The following SEMA3A variants were observed in gnomAD, a reference collection of about 807,000 sequenced individuals.
SEMA3A encodes semaphorin 3A.
SEMA3A carries 29 observed loss-of-function variants against 97.9 expected under a neutral mutation model. The ratio of observed to expected loss-of-function variants is 0.30; its 90% CI spans 0.22 to 0.40. The LOEUF (loss-of-function observed/expected upper bound fraction) is 0.40, where lower values mean the gene tolerates loss of function less well. SEMA3A is among the 10% of genes least tolerant of loss of function. The probability of loss-of-function intolerance (pLI) is 1.00; values close to 1 mark genes in which losing one functional copy is unlikely to be tolerated. For synonymous variants in SEMA3A, 321 were observed against 323.7 expected (o/e 0.99, Z 0.09); for missense variants, 763 against 951.3 (o/e 0.80, Z 2.60).
chr7:83,980,090 A>G (rs1456630801), intron 14 of SEMA3A, among the ~76,000 whole-genome samples: 1 of 152,144 alleles, frequency 6.6e-6, no homozygotes, highest in Non-Finnish European at 1.5e-5. Context: ...CTTTGGGCTC[A>G]TATTAACGAG....
chr7:84,335,854 G>C (rs1300040309), intron 2 of SEMA3A, among the ~76,000 whole-genome samples: 1 of 151,980 alleles, frequency 6.6e-6, no homozygotes, highest in Admixed American at 6.6e-5. Context: ...TTTAAGAGTA[G>C]ATTTTATTTT....
At chr7:84,314,385 C>T (rs1801443104) in intron 2 of SEMA3A, among the ~76,000 whole-genome samples, 1 of 152,128 alleles carries the variant, frequency 6.6e-6, no homozygotes, top group African/African-American at 2.4e-5. Context: ...TATACTTAGT[C>T]ATATGACATG....
intron 6 of SEMA3A, among the ~76,000 whole-genome samples, chr7:84,022,233 G>A (rs1418850872): frequency 6.6e-6 from 1 of 152,026 alleles, no homozygotes; most frequent in Admixed American, 6.6e-5. Context: ...CTACGGAAAA[G>A]GTTTACCAAT....
intron 3 of SEMA3A, among the ~76,000 whole-genome samples, chr7:84,287,786 T>C (rs1800628101): frequency 1.3e-5 from 2 of 152,154 alleles, no homozygotes; most frequent in South Asian, 2.1e-4. Context: ...TGATTTACCA[T>C]AGTATCTGAA....
chr7:84,094,689 A>G (rs1359206583), intron 4 of SEMA3A, among the ~76,000 whole-genome samples: 4 of 152,124 alleles, frequency 2.6e-5, no homozygotes, highest in Non-Finnish European at 5.9e-5. Flanking sequence ...AATAAAAAAA[A>G]CCCACCACCG....
chr7:84,364,370 A>C (rs1802796382), intron 2 of SEMA3A, among the ~76,000 whole-genome samples: 1 of 151,782 alleles, frequency 6.6e-6, no homozygotes, highest in Non-Finnish European at 1.5e-5. Flanking sequence ...GATTTTTTCA[A>C]ATAAAACTTT....
intron 1 of SEMA3A, among the ~76,000 whole-genome samples, chr7:84,492,004 C>G (rs552221825): frequency 6.6e-6 from 1 of 151,996 alleles, no homozygotes; most frequent in Non-Finnish European, 1.5e-5. Flanking sequence ...AAAAATTATA[C>G]GCAAATTCCT....
At chr7:84,160,250 TATCTATC>T (rs1796987542) in intron 1 of SEMA3A, among the ~76,000 whole-genome samples, 1 of 151,696 alleles carries the variant, frequency 6.6e-6, no homozygotes, top group African/African-American at 2.4e-5. Context: ...TCTATCTATC[TATCTATC>T]TATCTATCTA....
At chr7:84,488,235 T>A (rs1211585595) in intron 1 of SEMA3A, among the ~76,000 whole-genome samples, 1 of 152,018 alleles carries the variant, frequency 6.6e-6, no homozygotes, top group African/African-American at 2.4e-5. Context: ...TAGAGAGACA[T>A]ACCACATATG....
At chr7:84,334,757 C>CCCT (rs1042771484) in intron 2 of SEMA3A, among the ~76,000 whole-genome samples, 5 of 150,638 alleles carry the variant, frequency 3.3e-5, no homozygotes, top group Non-Finnish European at 5.9e-5. Context: ...CACTTTTCAT[C>CCCT]CCTCCATCTT....
rs1436675066 is a variant in SEMA3A, at chr7:83,959,792, G to A, written c.*1579C>T. On this transcript the variant is annotated 3_prime_UTR_variant, in exon 17 of 17. Coordinates refer to ENST00000265362, the MANE Select transcript of SEMA3A (RefSeq NM_006080.3). Reference sequence around the variant, plus strand: ...CCTGGGGGAGGAGTCCTGAATAGGTGAGTGCAGTGCAAAAGAAACCACAGT... The same window carrying A: ...CCTGGGGGAGGAGTCCTGAATAGGTAAGTGCAGTGCAAAAGAAACCACAGT... 6.6e-6 allele frequency: 1 copy of A among 152,100 alleles called. No homozygotes were observed. Among genetic ancestry groups the A allele is most frequent in the African/African-American group, 2.4e-5 (1 of 41,462 alleles). 9.4% of individuals were successfully genotyped at this position (152,100 alleles called of 1,614,324 possible). A position where few individuals can be genotyped will look rare whatever the true frequency, so the allele number is the denominator to read the frequency against.
intron 3 of SEMA3A, among the ~76,000 whole-genome samples, chr7:84,290,453 ATTTAT>A (rs1800712969): frequency 6.8e-6 from 1 of 146,628 alleles, no homozygotes; most frequent in African/African-American, 2.5e-5. Context: ...TTTTTTTCCT[ATTTAT>A]CTTAACTGTG....
At chr7:84,157,301 A>G (rs1228410029) in intron 1 of SEMA3A, among the ~76,000 whole-genome samples, 1 of 152,166 alleles carries the variant, frequency 6.6e-6, no homozygotes, top group Non-Finnish European at 1.5e-5. Context: ...CCATTTTTCC[A>G]TGCTGTAAAA....
chr7:84,172,602 TTTTTC>T (rs1300901949), intron 1 of SEMA3A, among the ~76,000 whole-genome samples: 1 of 151,976 alleles, frequency 6.6e-6, no homozygotes, highest in Non-Finnish European at 1.5e-5. Context: ...TTTGTATTTT[TTTTTC>T]AGTAGAGACG....
At chr7:84,046,189 C>T in intron 6 of SEMA3A, 135 bp downstream of exon 6, 3 of 914,184 alleles carry the variant, frequency 3.3e-6, no homozygotes, top group Non-Finnish European at 1.6e-6. Context: ...TCACACCCAC[C>T]ATCATGAAGT....
intron 4 of SEMA3A, among the ~76,000 whole-genome samples, chr7:84,077,546 G>A (rs1793997552): frequency 6.6e-6 from 1 of 151,914 alleles, no homozygotes; most frequent in Admixed American, 6.6e-5. Context: ...GAAGTGACGA[G>A]GCCAAAAGGA....
chr7:84,431,442 G>A (rs1165697520), intron 1 of SEMA3A, among the ~76,000 whole-genome samples: 2 of 151,838 alleles, frequency 1.3e-5, no homozygotes, highest in Non-Finnish European at 1.5e-5. Context: ...AGGAAGCTAT[G>A]CTTTGCCAAG....
chr7:84,382,653 T>A (rs1315652937), intron 1 of SEMA3A, among the ~76,000 whole-genome samples: 2 of 135,396 alleles, frequency 1.5e-5, no homozygotes, highest in Admixed American at 1.7e-4. Flanking sequence ...GGTCAGGAGA[T>A]CGAGACCCTC....
chr7:84,106,006 T>C lies in SEMA3A; in HGVS notation c.453+4464A>G, dbSNP rs1392923336. Among the ~76,000 whole-genome samples, 3 of 152,078 alleles carry C rather than the reference T, an allele frequency of 2.0e-5. No homozygotes were observed. In the East Asian group the frequency reaches 5.8e-4, roughly 29 times the overall value. ...TGACACATATCTTACAGAACTGGAG[T>C]TAATTAATAGGTCTACCAATTCCCA... is the stretch of plus-strand genomic sequence containing the variant. On this transcript the variant is annotated intron_variant, in intron 4 of 16. Coordinates refer to ENST00000265362, the MANE Select transcript of SEMA3A (RefSeq NM_006080.3).
Sources: gnomAD v4.1 joint callset for allele counts (sites outside exome capture counted in the v4.1 genomes callset) on GRCh38, gnomAD v4.1.1 for gene constraint, MANE v1.5 for transcripts, NCBI Gene and HGNC (gene_info 2026-07-23, HGNC 2026-07-21) for gene names.